The following F11 variants were observed in gnomAD, a reference collection of about 807,000 sequenced individuals.
F11 encodes coagualtion factor XI.
Under a neutral mutation model 76.5 loss-of-function variants are expected in F11, and 78 were observed. The observed-to-expected ratio is 1.02, with a 90% CI of 0.85 to 1.23. The LOEUF is 1.23. Among genes scored for constraint, F11 ranks in the 50% most tolerant of loss-of-function variants. F11 has a pLI of 0.00. For missense variants in F11, 742 were observed against 771.4 expected, an observed-to-expected ratio of 0.96 and a Z score of 0.45; for synonymous variants, 278 against 276.3, an observed-to-expected ratio of 1.01 and a Z score of -0.06.
At chr4:186,281,082 C>T (rs1177233740) in intron 10 of F11, among the ~76,000 whole-genome samples, 5 of 152,046 alleles carry the variant, frequency 3.3e-5, no homozygotes, top group African/African-American at 1.2e-4. Flanking sequence ...GTCTTGAACT[C>T]CTGGGCTCAA....
chr4:186,281,148 C>T (rs1740772273), intron 10 of F11, among the ~76,000 whole-genome samples: 1 of 152,164 alleles, frequency 6.6e-6, no homozygotes, highest in African/African-American at 2.4e-5. Flanking sequence ...TCAGCCACTG[C>T]ACCCAGCCAC....
intron 2 of F11, among the ~76,000 whole-genome samples, chr4:186,270,619 G>T (rs987325432): frequency 2.6e-5 from 4 of 151,198 alleles, no homozygotes; most frequent in African/African-American, 9.7e-5. Flanking sequence ...ATTAGGAGGG[G>T]GATATATTCT....
intron 2 of F11, among the ~76,000 whole-genome samples, chr4:186,270,499 A>C (rs1035806775): frequency 2.0e-5 from 3 of 152,152 alleles, no homozygotes; most frequent in Non-Finnish European, 2.9e-5. Flanking sequence ...CCATCACCCA[A>C]GTAGTGAACA....
At chr4:186,279,713 G>A (rs1031053605) in intron 7 of F11, among the ~76,000 whole-genome samples, 4 of 152,158 alleles carry the variant, frequency 2.6e-5, no homozygotes, top group Admixed American at 6.5e-5. Flanking sequence ...AGATAGGCTG[G>A]GAGTGTTGAA....
rs568966148 is a variant in F11 at position 186,289,429 on chromosome 4, A to C, written c.*815A>C. Among the ~76,000 whole-genome samples, 15 of 152,334 alleles carry C rather than the reference A, an allele frequency of 9.8e-5. No homozygotes were observed. In the South Asian group the frequency reaches 2.9e-3, roughly 29 times the overall value. On this transcript the variant is annotated 3_prime_UTR_variant, in exon 15 of 15. Transcript: ENST00000403665. ...TGTGACTATGGGCTCCCAAAGAGCTAGATCGTATATTTATTTGACAAAAAT... is the reference window on the plus strand; with the variant it reads ...TGTGACTATGGGCTCCCAAAGAGCTCGATCGTATATTTATTTGACAAAAAT...
chr4:186,271,700 C>T lies in F11; in HGVS notation c.147C>T (p.Val49=), dbSNP rs923326047. The change falls in exon 3 of 15, where the codon GTC becomes GTT. Residue 49 remains valine (V), a synonymous_variant. Transcript: ENST00000403665. ...CAAGCGCCAAGTACTGCCAGGTAGT[C>T]TGCACTTACCACCCAAGATGTTTAC... is the stretch of plus-strand genomic sequence containing the variant. ...FTPSAKYCQV[V]CTYHPRCLLF... 65 of 1,614,056 alleles carry T rather than the reference C, an allele frequency of 4.0e-5. No individual in the cohort carries two copies. Among genetic ancestry groups the T allele is most frequent in the Non-Finnish European group, 5.4e-5 (64 of 1,180,020 alleles).
Position 186,288,534 on chromosome 4 carries a change from G to A in F11, c.1798G>A (p.Ala600Thr), listed in dbSNP as rs750086712. The A allele has an allele frequency of 2.5e-6, 4 of 1,614,184 alleles. No individual in the cohort carries two copies. Among genetic ancestry groups the A allele is most frequent in the Non-Finnish European group, 2.5e-6 (3 of 1,180,028 alleles). The change falls in exon 15 of 15, where the codon GCT (alanine) becomes ACT (threonine). Residue 600 changes from alanine (A) to threonine (T), a missense_variant. By Grantham distance (58) the Ala-to-Thr change is moderately conservative. Transcript: ENST00000403665. ...CATCACGAGCTGGGGCGAAGGCTGTGCTCAAAGGGAGCGGCCAGGTGTTTA... is the reference window on the plus strand; with the variant it reads ...CATCACGAGCTGGGGCGAAGGCTGTACTCAAAGGGAGCGGCCAGGTGTTTA... ...VGITSWGEGC[A>T]QRERPGVYTN... is the part of the protein sequence containing the mutation.
chr4:186,288,647 G>A lies in F11; in HGVS notation c.*33G>A. On this transcript the variant is annotated 3_prime_UTR_variant, in exon 15 of 15. Transcript: ENST00000403665. ...CCCAGGGGCCATTGGAGTCCCTGAA[G>A]GACCCAGGATTTGCTGGGAGAGGGT... The A allele has an allele frequency of 1.2e-6, 2 of 1,603,450 alleles. No homozygotes were observed. Among genetic ancestry groups the A allele is most frequent in the Non-Finnish European group, 1.7e-6 (2 of 1,174,388 alleles).
intron 7 of F11, among the ~76,000 whole-genome samples, chr4:186,276,879 G>A (rs547502716): frequency 1.9e-4 from 29 of 152,186 alleles, no homozygotes; most frequent in Non-Finnish European, 3.2e-4. Flanking sequence ...TTGGGCCACC[G>A]TGCCCGGCCA....
At chr4:186,276,582 C>CTTTTTTTT (rs33965536) in intron 7 of F11, among the ~76,000 whole-genome samples, 192 bp downstream of exon 7, 5 of 75,916 alleles carry the variant, frequency 6.6e-5, no homozygotes, top group African/African-American at 9.9e-5. Context: ...ACCGAGGACT[C>CTTTTTTTT]TTTTTTTTTT....
Position 186,287,753 on chromosome 4 carries a change from A to G in F11, c.1646A>G (p.Tyr549Cys), listed in dbSNP as rs755529772. The G allele has an allele frequency of 6.2e-7, 1 of 1,613,816 alleles. No individual in the cohort carries two copies. Among genetic ancestry groups the G allele is most frequent in the Non-Finnish European group, 8.5e-7 (1 of 1,179,842 alleles). ...LVTNEECQKR[Y>C]RGHKITHKMI... is the part of the protein sequence containing the mutation. The stretch of plus-strand genomic sequence containing the variant: ...ACCAACGAAGAGTGCCAGAAGAGAT[A>G]CAGAGGACATAAAATAACCCATAAG... Residue 549 changes from tyrosine (Y) to cysteine (C), a missense_variant, in exon 14 of 15, where the codon TAC becomes TGC. Transcript: ENST00000403665.
rs188644705 is a variant in F11 at position 186,277,397 on chromosome 4, T to C, written c.755+1007T>C. 4.7e-3 allele frequency among the ~76,000 whole-genome samples: 696 copies of C among 149,630 alleles called. 1 individual carries two copies. The highest frequency in any genetic ancestry group is 6.9e-3 in the Non-Finnish European group (468 of 67,884). ...GAGTGTAGGTATCTTTGTGACATGATTTTTTTTTCTTTCTTTTCCTTTGGC... is the reference window on the plus strand; with the variant it reads ...GAGTGTAGGTATCTTTGTGACATGACTTTTTTTTCTTTCTTTTCCTTTGGC... On this transcript the variant is annotated intron_variant, in intron 7 of 14. Transcript: ENST00000403665.
chr4:186,273,720 C>T lies in F11; in HGVS notation c.326-396C>T, dbSNP rs578227874. 8.5e-5 allele frequency among the ~76,000 whole-genome samples: 13 copies of T among 152,240 alleles called. No homozygotes were observed. The South Asian group carries it at 1.2e-3, about 15-fold the overall frequency. Reference sequence around the variant, plus strand: ...TGCCCGCCTCGGCCTTCCAGAGTGCCGGGATTCCATGGTGCCCAGTCGAAA... The same window carrying T: ...TGCCCGCCTCGGCCTTCCAGAGTGCTGGGATTCCATGGTGCCCAGTCGAAA... On this transcript the variant is annotated intron_variant, in intron 4 of 14. Coordinates refer to ENST00000403665, the MANE Select transcript of F11 (RefSeq NM_000128.4).
chr4:186,288,345 A>G (rs1021033861), intron 14 of F11, 108 bp from the exon 15 acceptor site: 6 of 1,394,884 alleles, frequency 4.3e-6, no homozygotes, highest in African/African-American at 4.3e-5. Flanking sequence ...GCAGTATATT[A>G]AGGGGCCAAG....
At chr4:186,267,793 T>A (rs1739615161) in intron 2 of F11, among the ~76,000 whole-genome samples, 1 of 152,230 alleles carries the variant, frequency 6.6e-6, no homozygotes, top group African/African-American at 2.4e-5. Context: ...ACATGTTATA[T>A]TTAATTTCTG....
chr4:186,271,120 G>A (rs1739923493), intron 2 of F11, among the ~76,000 whole-genome samples: 1 of 152,122 alleles, frequency 6.6e-6, no homozygotes, highest in Admixed American at 6.5e-5. Flanking sequence ...CCACGGTGGG[G>A]TTTCCAAATT....
intron 2 of F11, among the ~76,000 whole-genome samples, chr4:186,270,709 A>T (rs1739885038): frequency 6.6e-6 from 1 of 152,034 alleles, no homozygotes; most frequent in South Asian, 2.1e-4. Context: ...AGAGAGTGAG[A>T]GAGAAACTGG....
intron 7 of F11, 54 bp from the exon 8 acceptor site, chr4:186,279,958 A>C: frequency 7.4e-7 from 1 of 1,350,154 alleles, no homozygotes; most frequent in Non-Finnish European, 1.1e-6. Context: ...TGCTGTAAAA[A>C]TGTTTTTATG....
intron 10 of F11, among the ~76,000 whole-genome samples, chr4:186,283,515 T>C (rs1328638564): frequency 6.6e-6 from 1 of 152,162 alleles, no homozygotes; most frequent in Non-Finnish European, 1.5e-5. Flanking sequence ...TCATAGCAGA[T>C]CAGTCTTACT....
Sources: gnomAD v4.1 joint callset for allele counts (sites outside exome capture counted in the v4.1 genomes callset) on GRCh38, gnomAD v4.1.1 for gene constraint, MANE v1.5 for transcripts, NCBI Gene and HGNC (gene_info 2026-07-23, HGNC 2026-07-21) for gene names.